Variants in CDH10 observed in about 807,000 individuals in gnomAD.
The protein encoded by CDH10 is cadherin 10.
A neutral mutation model predicts 73.1 loss-of-function variants in CDH10; 30 were observed. The observed-to-expected ratio is 0.41, with a 90% CI of 0.31 to 0.56. The LOEUF (loss-of-function observed/expected upper bound fraction) is 0.56, where lower values mean the gene tolerates loss of function less well. Among genes scored for constraint, CDH10 ranks in the 20% least tolerant of loss-of-function variants. CDH10 has a pLI of 0.27. For missense variants in CDH10, 815 were observed against 973.7 expected, an observed-to-expected ratio of 0.84 and a Z score of 2.17; for synonymous variants, 345 against 348.2, an observed-to-expected ratio of 0.99 and a Z score of 0.10.
chr5:24,541,173 G>A (rs1004649855), intron 2 of CDH10, among the ~76,000 whole-genome samples: 1 of 151,914 alleles, frequency 6.6e-6, no homozygotes, highest in African/African-American at 2.4e-5. Context: ...AGTAATAACA[G>A]GTCTATTGAT....
At chr5:24,517,260 G>T (rs1277231317) in intron 5 of CDH10, among the ~76,000 whole-genome samples, 1 of 151,966 alleles carries the variant, frequency 6.6e-6, no homozygotes, top group Non-Finnish European at 1.5e-5. Context: ...AATCATTATT[G>T]CTCAAAAAGG....
At chr5:24,628,258 G>T (rs2112187664) in intron 1 of CDH10, among the ~76,000 whole-genome samples, 1 of 152,260 alleles carries the variant, frequency 6.6e-6, no homozygotes. Flanking sequence ...CAACAGCATA[G>T]ACTAGAGACA....
At chr5:24,614,283 T>C (rs1747056256) in intron 1 of CDH10, among the ~76,000 whole-genome samples, 1 of 152,196 alleles carries the variant, frequency 6.6e-6, no homozygotes, top group African/African-American at 2.4e-5. Flanking sequence ...TGGATAATGT[T>C]ATGCTTGAAT....
intron 2 of CDH10, among the ~76,000 whole-genome samples, chr5:24,538,443 A>T (rs549612633): frequency 6.6e-6 from 1 of 152,238 alleles, no homozygotes; most frequent in African/African-American, 2.4e-5. Flanking sequence ...AGCCTGTAAC[A>T]TAACCACACT....
Position 24,487,844 on chromosome 5 carries a change from G to C in CDH10, c.2186C>G (p.Pro729Arg), listed in dbSNP as rs771781685. 20 of 1,613,776 alleles carry C rather than the reference G, an allele frequency of 1.2e-5. No individual in the cohort carries two copies. The highest frequency in any genetic ancestry group is 3.3e-5 in the Admixed American group (2 of 59,960). ...GGCATAGGTTGCAAGTGAGTCGTAG[G>C]GGGGTGCGGTGGGGTCAAGATCATG... ...KEHDLDPTAP[P>R]YDSLATYAYE... The change falls in exon 12 of 12, where the codon CCC becomes CGC. Residue 729 changes from proline (P) to arginine (R), a missense_variant. Pro to Arg is a moderately radical substitution (Grantham distance 103). This residue lies in a region of CDH10 where 241 missense variants were observed against 240.3 expected (regional missense o/e 1.00). Coordinates refer to ENST00000264463, the MANE Select transcript of CDH10 (RefSeq NM_006727.5).
chr5:24,516,216 G>A lies in CDH10; in HGVS notation c.815-4702C>T, dbSNP rs73067124. Among the ~76,000 whole-genome samples the A allele has an allele frequency of 3.0e-3, 457 of 152,258 alleles. 3 individuals carry two copies. Among genetic ancestry groups the A allele is most frequent in the African/African-American group, 1.0e-2 (414 of 41,554 alleles). On this transcript the variant is annotated intron_variant, in intron 5 of 11. Transcript: ENST00000264463. ...AGACTATCACTGAATCAGTCTGTTCGTAGTGTATTATATCATAGCAGGGAG... is the reference window on the plus strand; with the variant it reads ...AGACTATCACTGAATCAGTCTGTTCATAGTGTATTATATCATAGCAGGGAG...
intron 2 of CDH10, among the ~76,000 whole-genome samples, chr5:24,572,397 C>A (rs976541873): frequency 1.3e-5 from 2 of 151,886 alleles, no homozygotes; most frequent in African/African-American, 2.4e-5. Context: ...CAAGAGATAG[C>A]CGGAAGCTAT....
At chr5:24,588,536 G>A (rs540586808) in intron 2 of CDH10, among the ~76,000 whole-genome samples, 1 of 152,124 alleles carries the variant, frequency 6.6e-6, no homozygotes, top group African/African-American at 2.4e-5. Flanking sequence ...GTGCACTTGA[G>A]ATTTATTTTA....
chr5:24,500,718 T>C (rs1047378387), intron 8 of CDH10, among the ~76,000 whole-genome samples: 2 of 152,270 alleles, frequency 1.3e-5, no homozygotes, highest in Non-Finnish European at 1.5e-5. Context: ...ATCAGTTTAA[T>C]GATCAGGACT....
At chr5:24,546,636 G>C (rs1052708561) in intron 2 of CDH10, among the ~76,000 whole-genome samples, 1 of 152,068 alleles carries the variant, frequency 6.6e-6, no homozygotes, top group Admixed American at 6.6e-5. Context: ...AACTGAGCAT[G>C]TACATGGGTA....
In CDH10 at chr5:24,494,663, G is replaced by A. The variant is rs560912805; in HGVS notation, c.1516-1738C>T. ...TTACAGATCAAAATAATGCAGTTCAGAAAACAAATAGTGACATCTTTACAT... is the reference window on the plus strand; with the variant it reads ...TTACAGATCAAAATAATGCAGTTCAAAAAACAAATAGTGACATCTTTACAT... On this transcript the variant is annotated intron_variant, in intron 9 of 11. Transcript: ENST00000264463. 1.4e-3 allele frequency among the ~76,000 whole-genome samples: 213 copies of A among 151,838 alleles called. 1 individual carries two copies. The highest frequency in any genetic ancestry group is 2.3e-3 in the Non-Finnish European group (155 of 67,814).
At chr5:24,532,682 T>C (rs999505724) in intron 5 of CDH10, among the ~76,000 whole-genome samples, 2 of 152,168 alleles carry the variant, frequency 1.3e-5, no homozygotes, top group Non-Finnish European at 2.9e-5. Context: ...ATGTTTTATA[T>C]TGATGACATA....
In CDH10 at chr5:24,487,527, G is replaced by A; in HGVS notation, c.*136C>T. Reference sequence around the variant, plus strand: ...ACAGGAAAGAATTAATGTAATTAATGAACAAATTAAGAAGTAAATGAGAAA... The same window carrying A: ...ACAGGAAAGAATTAATGTAATTAATAAACAAATTAAGAAGTAAATGAGAAA... On this transcript the variant is annotated 3_prime_UTR_variant, in exon 12 of 12. Transcript: ENST00000264463. The A allele has an allele frequency of 1.3e-6, 1 of 754,592 alleles. No individual in the cohort carries two copies. Among genetic ancestry groups the A allele is most frequent in the South Asian group, 1.8e-5 (1 of 55,520 alleles). 46.7% of individuals were successfully genotyped at this position (754,592 alleles called of 1,614,324 possible).
chr5:24,590,957 G>A (rs542020794), intron 2 of CDH10, among the ~76,000 whole-genome samples: 22 of 151,926 alleles, frequency 1.4e-4, no homozygotes, highest in African/African-American at 2.2e-4. Flanking sequence ...TGTAAAAACC[G>A]GAATAATTTC....
intron 1 of CDH10, among the ~76,000 whole-genome samples, chr5:24,605,731 T>C (rs548768199): frequency 3.9e-5 from 6 of 152,306 alleles, no homozygotes; most frequent in African/African-American, 1.4e-4. Flanking sequence ...TGAGGAAAAA[T>C]AAGAAAATTT....
chr5:24,564,552 C>A (rs1217420189), intron 2 of CDH10, among the ~76,000 whole-genome samples: 1 of 152,110 alleles, frequency 6.6e-6, no homozygotes, highest in African/African-American at 2.4e-5. Flanking sequence ...ACCTCTGCCC[C>A]TACAGGGGTT....
chr5:24,531,137 A>T (rs1461446258), intron 5 of CDH10, among the ~76,000 whole-genome samples: 2 of 151,992 alleles, frequency 1.3e-5, no homozygotes, highest in African/African-American at 4.8e-5. Flanking sequence ...TGGTGGCTAG[A>T]TCCACTCTAT....
intron 1 of CDH10, among the ~76,000 whole-genome samples, chr5:24,621,329 T>C (rs936149384): frequency 8.5e-5 from 13 of 152,188 alleles, no homozygotes; most frequent in African/African-American, 3.1e-4. Flanking sequence ...GACCAAGGCA[T>C]ATCTACTAAG....
intron 1 of CDH10, among the ~76,000 whole-genome samples, chr5:24,600,472 A>G (rs1746518630): frequency 6.6e-6 from 1 of 152,098 alleles, no homozygotes; most frequent in Non-Finnish European, 1.5e-5. Context: ...GGTTCTCACA[A>G]TCCAAGAATT....
Sources: gnomAD v4.1 joint callset for allele counts (sites outside exome capture counted in the v4.1 genomes callset) on GRCh38, gnomAD v4.1.1 for gene constraint, gnomAD v4.1.1 regional missense constraint, MANE v1.5 for transcripts, NCBI Gene and HGNC (gene_info 2026-07-23, HGNC 2026-07-21) for gene names.